HS6ST3: variants seen among roughly 807,000 people sequenced by gnomAD.
HS6ST3 encodes heparan sulfate 6-O-sulfotransferase 3.
Under a neutral mutation model 36.7 loss-of-function variants are expected in HS6ST3, and 12 were observed. The observed-to-expected ratio is 0.33, with a 90% CI of 0.21 to 0.53. HS6ST3 has a LOEUF of 0.53. Among genes scored for constraint, HS6ST3 ranks in the 20% least tolerant of loss-of-function variants. The probability of loss-of-function intolerance (pLI) is 0.95; values close to 1 mark genes in which losing one functional copy is unlikely to be tolerated. For synonymous variants in HS6ST3, 240 were observed against 257.5 expected (o/e 0.93, Z 0.65); for missense variants, 584 against 640.9 (o/e 0.91, Z 0.96).
At chr13:96,273,406 G>A (rs1293924373) in intron 1 of HS6ST3, among the ~76,000 whole-genome samples, 1 of 151,964 alleles carries the variant, frequency 6.6e-6, no homozygotes, top group African/African-American at 2.4e-5. Context: ...CCACGTGATG[G>A]CTGGTGGCAA....
chr13:96,264,724 G>T (rs1182311767), intron 1 of HS6ST3, among the ~76,000 whole-genome samples: 2 of 152,104 alleles, frequency 1.3e-5, no homozygotes, highest in Admixed American at 6.5e-5. Context: ...GAGATGAGAG[G>T]TTTTGCAGCT....
chr13:96,677,744 T>C (rs2056703809), intron 1 of HS6ST3, among the ~76,000 whole-genome samples: 1 of 152,296 alleles, frequency 6.6e-6, no homozygotes, highest in South Asian at 2.1e-4. Context: ...CATTGTGTAG[T>C]AAATATTTGA....
At chr13:96,506,337 G>A (rs2056026449) in intron 1 of HS6ST3, among the ~76,000 whole-genome samples, 1 of 152,076 alleles carries the variant, frequency 6.6e-6, no homozygotes, top group Non-Finnish European at 1.5e-5. Flanking sequence ...ATGAAAACAT[G>A]AAACAGGATG....
At chr13:96,146,832 T>C (rs34013320) in intron 1 of HS6ST3, among the ~76,000 whole-genome samples, 2,154 of 152,310 alleles carry the variant, frequency 0.014, 30 homozygotes, top group South Asian at 0.052. Flanking sequence ...CAGGGGTTAG[T>C]ACATTTAATA....
chr13:96,207,760 G>A (rs2054378377), intron 1 of HS6ST3, among the ~76,000 whole-genome samples: 2 of 152,200 alleles, frequency 1.3e-5, no homozygotes, highest in African/African-American at 4.8e-5. Flanking sequence ...TCACTTATAA[G>A]TGGGAGCTGA....
intron 1 of HS6ST3, among the ~76,000 whole-genome samples, chr13:96,567,918 A>C (rs2056287363): frequency 6.6e-6 from 1 of 152,216 alleles, no homozygotes; most frequent in Admixed American, 6.5e-5. Context: ...GCATAAGAAA[A>C]GATGGGATGC....
chr13:96,271,049 A>G (rs923715868), intron 1 of HS6ST3, among the ~76,000 whole-genome samples: 4 of 151,906 alleles, frequency 2.6e-5, no homozygotes, highest in Non-Finnish European at 4.4e-5. Context: ...TACTTATCAC[A>G]GTTTCCAGTG....
At chr13:96,276,807 A>AT (rs2054750734) in intron 1 of HS6ST3, among the ~76,000 whole-genome samples, 1 of 152,178 alleles carries the variant, frequency 6.6e-6, no homozygotes, top group South Asian at 2.1e-4. Context: ...GTCCATGCCC[A>AT]CAGATTCTGG....
chr13:96,368,322 T>C (rs1277968184), intron 1 of HS6ST3, among the ~76,000 whole-genome samples: 1 of 152,142 alleles, frequency 6.6e-6, no homozygotes, highest in Non-Finnish European at 1.5e-5. Context: ...AACTTGGTAG[T>C]AAAAGGAAGG....
intron 1 of HS6ST3, among the ~76,000 whole-genome samples, chr13:96,639,027 G>T (rs1351683305): frequency 6.6e-6 from 1 of 151,982 alleles, no homozygotes; most frequent in African/African-American, 2.4e-5. Flanking sequence ...AGAAGAACAT[G>T]TAGTCTTCTG....
chr13:96,339,143 A>G (rs1474047591), intron 1 of HS6ST3, among the ~76,000 whole-genome samples: 1 of 152,202 alleles, frequency 6.6e-6, no homozygotes, highest in Non-Finnish European at 1.5e-5. Flanking sequence ...GAAAGAGAAA[A>G]GACTGAGCCA....
At chr13:96,635,671 A>G (rs1037956518) in intron 1 of HS6ST3, among the ~76,000 whole-genome samples, 14 of 152,310 alleles carry the variant, frequency 9.2e-5, no homozygotes, top group African/African-American at 3.1e-4. Flanking sequence ...AGAAAGAAGT[A>G]TACAACCTCA....
chr13:96,137,539 T>G (rs2054008696), intron 1 of HS6ST3, among the ~76,000 whole-genome samples: 1 of 151,702 alleles, frequency 6.6e-6, no homozygotes, highest in Admixed American at 6.6e-5. Context: ...GTTCAAGCAC[T>G]TATCCTGCCT....
At chr13:96,375,149 C>A (rs1280333547) in intron 1 of HS6ST3, among the ~76,000 whole-genome samples, 2 of 152,226 alleles carry the variant, frequency 1.3e-5, no homozygotes, top group Admixed American at 6.5e-5. Context: ...CTTTCTCTGG[C>A]CTTTTCTTGC....
chr13:96,363,508 A>G (rs2055249210), intron 1 of HS6ST3, among the ~76,000 whole-genome samples: 1 of 152,164 alleles, frequency 6.6e-6, no homozygotes, highest in African/African-American at 2.4e-5. Flanking sequence ...AACAAAAAAC[A>G]CTAATTTCCC....
At chr13:96,832,435 G>C in intron 1 of HS6ST3, 55 bp from the exon 2 acceptor site, 17 of 1,310,230 alleles carry the variant, frequency 1.3e-5, no homozygotes, top group Non-Finnish European at 1.7e-5. Context: ...TAAAAATTTA[G>C]ATACCTCCTG....
intron 1 of HS6ST3, among the ~76,000 whole-genome samples, chr13:96,530,767 C>G (rs2056132309): frequency 6.6e-6 from 1 of 152,196 alleles, no homozygotes; most frequent in African/African-American, 2.4e-5. Flanking sequence ...ATCACTTGGA[C>G]TACTACTGGA....
chr13:96,754,008 A>G (rs1304780231), intron 1 of HS6ST3, among the ~76,000 whole-genome samples: 1 of 151,926 alleles, frequency 6.6e-6, no homozygotes, highest in East Asian at 1.9e-4. Context: ...TAGTAGAGAC[A>G]GGGTTTCACC....
chr13:96,161,844 A>G (rs2054137255), intron 1 of HS6ST3, among the ~76,000 whole-genome samples: 1 of 152,226 alleles, frequency 6.6e-6, no homozygotes, highest in African/African-American at 2.4e-5. Context: ...GACCTGCGGA[A>G]GGCTTCCATC....
Sources: gnomAD v4.1 joint callset for allele counts (sites outside exome capture counted in the v4.1 genomes callset) on GRCh38, gnomAD v4.1.1 for gene constraint, MANE v1.5 for transcripts, NCBI Gene and HGNC (gene_info 2026-07-23, HGNC 2026-07-21) for gene names.